DACH1: variants seen among roughly 807,000 people sequenced by gnomAD.
The protein encoded by DACH1 is dachshund family transcription factor 1, also known as dachshund homolog 1.
DACH1 carries 12 observed loss-of-function variants against 54.2 expected under a neutral mutation model. The ratio of observed to expected loss-of-function variants is 0.22; its 90% CI spans 0.14 to 0.36. DACH1 has a LOEUF of 0.36. DACH1 is among the 10% of genes least tolerant of loss of function. The pLI, the probability that DACH1 is intolerant of heterozygous loss-of-function variation, is 1.00. For missense variants in DACH1, 805 were observed against 929.8 expected (o/e 0.87, Z 1.75); for synonymous variants, 386 against 366.2 (o/e 1.05, Z -0.62).
At chr13:71,585,232 T>C (rs1873151580) in intron 3 of DACH1, among the ~76,000 whole-genome samples, 1 of 152,110 alleles carries the variant, frequency 6.6e-6, no homozygotes, top group South Asian at 2.1e-4. Flanking sequence ...AAAGTAATAT[T>C]ATATGCCAAT....
intron 1 of DACH1, among the ~76,000 whole-genome samples, chr13:71,863,852 A>C (rs1210652074): frequency 6.7e-6 from 1 of 149,908 alleles, no homozygotes; most frequent in Non-Finnish European, 1.5e-5. Context: ...AAACACATAA[A>C]GAGGATACCG....
intron 1 of DACH1, among the ~76,000 whole-genome samples, chr13:71,694,820 A>G (rs111968624): frequency 6.6e-6 from 1 of 152,218 alleles, no homozygotes; most frequent in Non-Finnish European, 1.5e-5. Flanking sequence ...TAAACTGGCT[A>G]AAGCATAATA....
At chr13:71,601,875 C>T (rs1370698573) in intron 3 of DACH1, among the ~76,000 whole-genome samples, 1 of 151,882 alleles carries the variant, frequency 6.6e-6, no homozygotes, top group African/African-American at 2.4e-5. Flanking sequence ...GACTCTTGTA[C>T]ATATTTTATA....
intron 1 of DACH1, among the ~76,000 whole-genome samples, chr13:71,801,673 T>G (rs1057482008): frequency 2.6e-5 from 4 of 152,138 alleles, no homozygotes; most frequent in African/African-American, 9.7e-5. Flanking sequence ...GTTACTTTTA[T>G]TTATGAGCTG....
At chr13:71,624,516 G>T (rs970685057) in intron 3 of DACH1, among the ~76,000 whole-genome samples, 1 of 151,860 alleles carries the variant, frequency 6.6e-6, no homozygotes, top group Non-Finnish European at 1.5e-5. Flanking sequence ...TACAAGACTG[G>T]CTGTTAATAT....
intron 1 of DACH1, among the ~76,000 whole-genome samples, chr13:71,838,761 T>C (rs1466774952): frequency 6.6e-6 from 1 of 152,222 alleles, no homozygotes; most frequent in Non-Finnish European, 1.5e-5. Context: ...TTAAAGGCAC[T>C]ATCCTTTGCA....
In DACH1 at chr13:71,630,653, C is replaced by T; in HGVS notation, c.1029G>A (p.Lys343=). The change falls in exon 3 of 11, where the codon AAG becomes AAA. Residue 343 remains lysine (K), a synonymous_variant. Coordinates refer to ENST00000613252, the MANE Select transcript of DACH1 (RefSeq NM_080759.6). ...TGGCTTCTAATTTGATTTTTTTCAC[C>T]TTCATTGCTTCAGCAATAGCTGCAT... is the stretch of plus-strand genomic sequence containing the variant. ...ATNAAIAEAM[K]VKKIKLEAMS... is the part of the protein sequence containing the mutation. 6.2e-7 allele frequency: 1 copy of T among 1,611,626 alleles called. No individual in the cohort carries two copies. The highest frequency in any genetic ancestry group is 8.5e-7 in the Non-Finnish European group (1 of 1,179,208).
At chr13:71,794,861 A>C (rs1275478432) in intron 1 of DACH1, among the ~76,000 whole-genome samples, 1 of 152,236 alleles carries the variant, frequency 6.6e-6, no homozygotes, top group Non-Finnish European at 1.5e-5. Context: ...AAAACAAAAA[A>C]CTAATGCCCT....
intron 3 of DACH1, among the ~76,000 whole-genome samples, chr13:71,628,525 G>T (rs922554784): frequency 1.3e-4 from 20 of 151,966 alleles, no homozygotes; most frequent in Non-Finnish European, 2.1e-4. Context: ...AGACTTTCTA[G>T]GAAAATTCAA....
chr13:71,790,299 G>T (rs1886781485), intron 1 of DACH1, among the ~76,000 whole-genome samples: 1 of 152,038 alleles, frequency 6.6e-6, no homozygotes, highest in Non-Finnish European at 1.5e-5. Flanking sequence ...GCATGGATTT[G>T]CTTAATGCAT....
At chr13:71,659,697 CT>C (rs557503539) in intron 2 of DACH1, among the ~76,000 whole-genome samples, 2 of 151,134 alleles carry the variant, frequency 1.3e-5, no homozygotes, top group Non-Finnish European at 3.0e-5. Flanking sequence ...TGGGGATTTT[CT>C]TTTTTTTTGA....
At position 71,867,006 on chromosome 13, in the gene DACH1, C is replaced by T; in HGVS notation, c.-237G>A. On this transcript the variant is annotated 5_prime_UTR_variant, in exon 1 of 11. Transcript: ENST00000613252. ...TCTGGAGAGGAACGCACAAAAGTGT[C>T]CCGCAAGTCGAAATGCGAGTCCTCT... is the stretch of plus-strand genomic sequence containing the variant. The T allele has an allele frequency of 3.1e-6, 1 of 319,568 alleles. No individual in the cohort carries two copies. The highest frequency in any genetic ancestry group is 5.6e-6 in the Non-Finnish European group (1 of 179,232). 19.8% of individuals were successfully genotyped at this position (319,568 alleles called of 1,614,324 possible). A position where few individuals can be genotyped will look rare whatever the true frequency, so the allele number is the denominator to read the frequency against.
At chr13:71,552,826 T>G (rs1353197297) in intron 6 of DACH1, among the ~76,000 whole-genome samples, 6 of 48,572 alleles carry the variant, frequency 1.2e-4, no homozygotes, top group African/African-American at 1.7e-4. Context: ...TATATATATA[T>G]ATATATATAT....
At chr13:71,629,017 T>C (rs1298601969) in intron 3 of DACH1, among the ~76,000 whole-genome samples, 2 of 152,166 alleles carry the variant, frequency 1.3e-5, no homozygotes, top group African/African-American at 4.8e-5. Flanking sequence ...TTTGTAATAA[T>C]AGATATAATG....
chr13:71,511,072 G>A (rs1356650192), intron 6 of DACH1, among the ~76,000 whole-genome samples: 1 of 151,942 alleles, frequency 6.6e-6, no homozygotes, highest in Non-Finnish European at 1.5e-5. Context: ...TTATGTGCTT[G>A]TAAAAGCCTA....
intron 1 of DACH1, among the ~76,000 whole-genome samples, chr13:71,840,594 T>A (rs1226724433): frequency 6.6e-6 from 1 of 152,218 alleles, no homozygotes; most frequent in African/African-American, 2.4e-5. Context: ...CATATTTATG[T>A]CTGCTTATTT....
At chr13:71,466,476 T>G (rs1231571784) in intron 10 of DACH1, among the ~76,000 whole-genome samples, 1 of 152,192 alleles carries the variant, frequency 6.6e-6, no homozygotes, top group African/African-American at 2.4e-5. Context: ...ATTCTTGATA[T>G]TCCCAGATTA....
chr13:71,672,027 TTC>T (rs1266370998), intron 2 of DACH1, among the ~76,000 whole-genome samples: 3 of 152,174 alleles, frequency 2.0e-5, no homozygotes, highest in Non-Finnish European at 4.4e-5. Context: ...AGCATGACTG[TTC>T]TCTTAATGCT....
At chr13:71,862,684 T>C (rs1874435509) in intron 1 of DACH1, among the ~76,000 whole-genome samples, 1 of 152,074 alleles carries the variant, frequency 6.6e-6, no homozygotes, top group Admixed American at 6.5e-5. Flanking sequence ...ACTAATGCAA[T>C]AGCCCTAAGC....
Sources: allele counts gnomAD v4.1 joint callset (sites outside exome capture counted in the v4.1 genomes callset), GRCh38; gene constraint gnomAD v4.1.1; transcripts MANE v1.5; gene names NCBI Gene and HGNC (gene_info 2026-07-23, HGNC 2026-07-21).